Variants in FGGY observed in about 807,000 individuals in gnomAD.
FGGY encodes the protein FGGY carbohydrate kinase domain-containing protein.
FGGY carries 72 observed loss-of-function variants against 71.3 expected under a neutral mutation model. That is an observed-to-expected ratio of 1.01 (90% CI 0.84 to 1.23). The LOEUF (loss-of-function observed/expected upper bound fraction) is 1.23. FGGY is among the 50% of genes most tolerant of loss of function. The pLI is 0.00. For missense variants in FGGY, 668 were observed against 682.3 expected, an observed-to-expected ratio of 0.98 and a Z score of 0.23; for synonymous variants, 251 against 250.3, an observed-to-expected ratio of 1.00 and a Z score of -0.02.
At chr1:59,712,546 G>C (rs1357136777) in intron 14 of FGGY, among the ~76,000 whole-genome samples, 2 of 152,166 alleles carry the variant, frequency 1.3e-5, no homozygotes, top group Non-Finnish European at 2.9e-5. Flanking sequence ...CTTCTGCCTG[G>C]GCATCCAGGT....
At chr1:59,493,404 G>T (rs2093939100) in intron 6 of FGGY, among the ~76,000 whole-genome samples, 1 of 115,080 alleles carries the variant, frequency 8.7e-6, no homozygotes, top group South Asian at 2.6e-4. Context: ...TTCATTAGTG[G>T]CAGAACTGAT....
At chr1:59,505,100 A>C (rs1558152452) in intron 6 of FGGY, among the ~76,000 whole-genome samples, 1 of 152,194 alleles carries the variant, frequency 6.6e-6, no homozygotes, top group Non-Finnish European at 1.5e-5. Flanking sequence ...GTGTTTCTTT[A>C]TTAAACACCT....
chr1:59,309,095 G>A (rs1345946641), intron 1 of FGGY, among the ~76,000 whole-genome samples: 2 of 152,034 alleles, frequency 1.3e-5, no homozygotes, highest in African/African-American at 4.8e-5. Context: ...TTGGGTAAAA[G>A]ACTTGATTTT....
At chr1:59,468,599 G>A (rs967457655) in intron 6 of FGGY, among the ~76,000 whole-genome samples, 8 of 152,144 alleles carry the variant, frequency 5.3e-5, no homozygotes, top group Admixed American at 3.3e-4. Flanking sequence ...TTGGCTGGGC[G>A]TGGTGGCTCA....
At chr1:59,346,520 A>G in intron 4 of FGGY, 122 bp downstream of exon 4, 1 of 1,115,704 alleles carries the variant, frequency 9.0e-7, no homozygotes, top group Non-Finnish European at 1.3e-6. Context: ...AGCAACTAGG[A>G]GGAAGGTTGA....
chr1:59,350,859 C>T lies in FGGY; in HGVS notation c.465+4461C>T, dbSNP rs138254586. Reference sequence around the variant, plus strand: ...CATGATGTCATTTTTACCTCTTCCTCTCTCGTCACTGTTTGTCTTTTACAT... The same window carrying T: ...CATGATGTCATTTTTACCTCTTCCTTTCTCGTCACTGTTTGTCTTTTACAT... On this transcript the variant is annotated intron_variant, in intron 4 of 15. Coordinates refer to ENST00000303721, the MANE Select transcript of FGGY (RefSeq NM_018291.5). Among the ~76,000 whole-genome samples, 472 of 152,298 alleles carry T rather than the reference C, an allele frequency of 3.1e-3. 3 individuals are homozygous for T. Among genetic ancestry groups the T allele is most frequent in the African/African-American group, 0.011 (446 of 41,570 alleles).
chr1:59,370,504 T>A (rs2057411633), intron 4 of FGGY, among the ~76,000 whole-genome samples: 1 of 152,116 alleles, frequency 6.6e-6, no homozygotes, highest in Non-Finnish European at 1.5e-5. Flanking sequence ...CCAGGAGAAC[T>A]TCCCCAATCT....
At chr1:59,698,015 T>C (rs111571772) in intron 14 of FGGY, among the ~76,000 whole-genome samples, 26 of 152,302 alleles carry the variant, frequency 1.7e-4, no homozygotes, top group African/African-American at 6.3e-4. Context: ...AAAAAGCATG[T>C]CTTTTTTTTC....
chr1:59,660,195 C>A, intron 11 of FGGY, 24 bp from the exon 12 acceptor site: 1 of 1,608,784 alleles, frequency 6.2e-7, no homozygotes, highest in South Asian at 1.1e-5. Flanking sequence ...CCATCTTCTT[C>A]TTTTCTTCCC....
intron 11 of FGGY, among the ~76,000 whole-genome samples, chr1:59,644,900 C>T (rs1004313998): frequency 1.3e-5 from 2 of 151,798 alleles, no homozygotes; most frequent in Admixed American, 1.3e-4. Flanking sequence ...TCGCTTGAAC[C>T]CAGGAGGCAG....
intron 14 of FGGY, among the ~76,000 whole-genome samples, chr1:59,699,612 A>C (rs747382830): frequency 2.6e-5 from 4 of 152,196 alleles, no homozygotes; most frequent in Admixed American, 1.3e-4. Flanking sequence ...TATGCAAACA[A>C]AAAAAGGAGG....
intron 7 of FGGY, among the ~76,000 whole-genome samples, chr1:59,514,265 G>A (rs886383281): frequency 2.0e-5 from 3 of 152,134 alleles, no homozygotes; most frequent in Admixed American, 6.6e-5. Context: ...CCCTACCTGG[G>A]TGACAATCAC....
At chr1:59,365,803 A>G (rs1411280477) in intron 4 of FGGY, among the ~76,000 whole-genome samples, 1 of 152,254 alleles carries the variant, frequency 6.6e-6, no homozygotes, top group Non-Finnish European at 1.5e-5. Context: ...ACTCTGTAGC[A>G]GAAGAGTGAA....
intron 5 of FGGY, among the ~76,000 whole-genome samples, chr1:59,399,461 G>A (rs116694677): frequency 9.2e-5 from 14 of 152,116 alleles, no homozygotes; most frequent in Admixed American, 6.6e-4. Flanking sequence ...GAGAAGTTAA[G>A]AAACTTTCCC....
At chr1:59,727,968 T>C (rs1399020832) in intron 14 of FGGY, among the ~76,000 whole-genome samples, 1 of 152,208 alleles carries the variant, frequency 6.6e-6, no homozygotes, top group African/African-American at 2.4e-5. Context: ...GTAGGCCTTA[T>C]TCTTTTAATC....
chr1:59,447,358 G>C (rs1256509086), intron 5 of FGGY, among the ~76,000 whole-genome samples: 1 of 152,020 alleles, frequency 6.6e-6, no homozygotes, highest in Non-Finnish European at 1.5e-5. Context: ...AATATTCAGG[G>C]TGTGAACCTA....
chr1:59,327,380 T>C (rs2047636140), intron 2 of FGGY, among the ~76,000 whole-genome samples: 1 of 152,222 alleles, frequency 6.6e-6, no homozygotes, highest in Non-Finnish European at 1.5e-5. Flanking sequence ...CCTTTGTTCA[T>C]CCATAAGAAG....
At chr1:59,572,495 G>A (rs1006546008) in intron 8 of FGGY, among the ~76,000 whole-genome samples, 4 of 152,144 alleles carry the variant, frequency 2.6e-5, no homozygotes, top group East Asian at 3.8e-4. Context: ...AAGGTTTTAA[G>A]CACAGTGGAT....
intron 14 of FGGY, among the ~76,000 whole-genome samples, chr1:59,707,947 A>T (rs2097768083): frequency 6.6e-6 from 1 of 152,238 alleles, no homozygotes. Flanking sequence ...TAATTTAAAA[A>T]AGTATCAAAG....
Sources: allele counts gnomAD v4.1 joint callset (sites outside exome capture counted in the v4.1 genomes callset), GRCh38; gene constraint gnomAD v4.1.1; transcripts MANE v1.5; gene names NCBI Gene and HGNC (gene_info 2026-07-23, HGNC 2026-07-21).